Variants in ARHGAP27 observed in about 807,000 individuals in gnomAD.
The protein encoded by ARHGAP27 is rho GTPase-activating protein 27.
A neutral mutation model predicts 102.0 loss-of-function variants in ARHGAP27; 53 were observed. That is an observed-to-expected ratio of 0.52 (90% confidence interval 0.42 to 0.65). ARHGAP27 has a LOEUF of 0.65. Among genes scored for constraint, ARHGAP27 ranks in the 30% least tolerant of loss-of-function variants. The pLI is 0.00. For synonymous variants in ARHGAP27, 525 were observed against 542.8 expected, an observed-to-expected ratio of 0.97 and a Z score of 0.46; for missense variants, 1,117 against 1,256.2, an observed-to-expected ratio of 0.89 and a Z score of 1.68.
chr17:45,402,834 G>C lies in ARHGAP27; in HGVS notation c.1639-16C>G. 6.3e-7 allele frequency: 1 copy of C among 1,596,578 alleles called. No homozygotes were observed. Among genetic ancestry groups the C allele is most frequent in the Non-Finnish European group, 8.6e-7 (1 of 1,164,314 alleles). On this transcript the variant is annotated splice_polypyrimidine_tract_variant and intron_variant, in intron 11 of 19. Coordinates refer to ENST00000685559, the MANE Select transcript of ARHGAP27 (RefSeq NM_001282290.2). ...AAGGCTGCCTCTGTGGGAGAGGGAGGAAGGTCACAGGGAGCCCTCAGTTCA... is the reference window on the plus strand; with the variant it reads ...AAGGCTGCCTCTGTGGGAGAGGGAGCAAGGTCACAGGGAGCCCTCAGTTCA...
chr17:45,430,275 G>A lies in ARHGAP27; in HGVS notation c.5C>T (p.Ala2Val). 6.4e-7 allele frequency: 1 copy of A among 1,571,026 alleles called. No homozygotes were observed. ...GTACACGTCCCCCACCACGTCCGCC[G>A]CCATCGCAGCCGCGGCGTTTTCCTG... Reference protein sequence around the residue: MAADVVGDVYVL... With the variant: MVADVVGDVYVL... The change falls in exon 4 of 20, where the codon GCG (alanine) becomes GTG (valine). Residue 2 changes from alanine to valine, a missense_variant. Ala to Val is a moderately conservative substitution (Grantham distance 64, BLOSUM62 0). Transcript: ENST00000685559. The surrounding 1 kb of genome is among the most constrained non-coding windows in gnomAD (Gnocchi z 4.4).
Position 45,397,394 on chromosome 17 carries a change from G to A in ARHGAP27, c.1843-370C>T, listed in dbSNP as rs534488464. On this transcript the variant is annotated intron_variant, in intron 13 of 19. Coordinates refer to ENST00000685559, the MANE Select transcript of ARHGAP27 (RefSeq NM_001282290.2). ...TGAGCCTGCACCTCCAGCTGTGGCC[G>A]GAGCACTGCCAACAACTGCACCAAT... The A allele has an allele frequency of 5.1e-5, 42 of 830,170 alleles. No individual in the cohort carries two copies. In the South Asian group the frequency reaches 1.1e-3, roughly 22 times the overall value. The allele number at this position is 830,170 out of a possible 1,614,324, so 51.4% of individuals were successfully genotyped here.
At chr17:45,404,727 G>A (rs767110564) in intron 6 of ARHGAP27, 46 bp from the exon 7 acceptor site, 28 of 1,581,114 alleles carry the variant, frequency 1.8e-5, no homozygotes, top group Non-Finnish European at 2.2e-5. Flanking sequence ...GCTTATGAGA[G>A]GGGAGGAAAA....
rs1193167487 is a variant in ARHGAP27 at position 45,396,540 on chromosome 17, C to T, written c.2120G>A (p.Arg707Lys). Residue 707 changes from arginine (R) to lysine (K), a missense_variant, in exon 16 of 20, where the codon AGG becomes AAG. Arg to Lys is a conservative substitution (Grantham distance 26, BLOSUM62 2). This residue lies in a region of ARHGAP27 where 493 missense variants were observed against 505.5 expected (regional missense o/e 0.98). Transcript: ENST00000685559. ...CTGCACGAAGCGTGGCACCCGGCTC[C>T]TCTCGCGCTCACACAGCGCGGCCAG... ...CALAALCERE[R>K]SRVPRFVQQC... 1.9e-6 allele frequency: 3 copies of T among 1,591,748 alleles called. No individual in the cohort carries two copies. The highest frequency in any genetic ancestry group is 2.2e-5 in the South Asian group (2 of 89,728).
chr17:45,405,560 T>G (rs1255775872), intron 5 of ARHGAP27, 116 bp downstream of exon 5: 1 of 1,346,372 alleles, frequency 7.4e-7, no homozygotes, highest in Non-Finnish European at 9.9e-7. Flanking sequence ...CTCTCAGAGG[T>G]AGCCCCGCCC....
chr17:45,398,967 ATCT>A (rs1012462541), intron 12 of ARHGAP27, among the ~76,000 whole-genome samples: 2 of 152,160 alleles, frequency 1.3e-5, no homozygotes, highest in Non-Finnish European at 1.5e-5. Flanking sequence ...TGGGCAACAC[ATCT>A]TCTGTTAGCC....
chr17:45,410,324 G>C (rs1196070669), intron 4 of ARHGAP27: 3 of 1,486,726 alleles, frequency 2.0e-6, no homozygotes, highest in Middle Eastern at 1.7e-4. Flanking sequence ...AGAGCCCTGG[G>C]AAGGTTTTGG....
In ARHGAP27 at chr17:45,404,972, G is replaced by C; in HGVS notation, c.1200C>G (p.Val400=). 1.9e-6 allele frequency: 3 copies of C among 1,614,062 alleles called. No homozygotes were observed. In the South Asian group the frequency reaches 3.3e-5, roughly 18 times the overall value. The change falls in exon 6 of 20, where the codon GTC becomes GTG. Residue 400 remains valine, a synonymous_variant. Transcript: ENST00000685559. ...LTTPPGWSCH[V]SQDKQMLYTN... is the part of the protein sequence containing the mutation. ...TGTAGAGCATCTGCTTGTCCTGGCT[G>C]ACATGACAAGACCAGCCGGGGGGTG...
chr17:45,429,829 C>T lies in ARHGAP27; in HGVS notation c.451G>A (p.Val151Met), dbSNP rs764880570. The change falls in exon 4 of 20, where the codon GTG becomes ATG. Residue 151 changes from valine to methionine, a missense_variant. By Grantham distance (21) the Val-to-Met change is conservative. Around this residue, in one of 3 missense-constraint regions of ARHGAP27, gnomAD observed 610 missense variants for 716.4 expected, o/e 0.85. Transcript: ENST00000685559. Reference sequence around the variant, plus strand: ...TCGTTCAGGGACTGCGCGGGCCGCACGGGCGCCGCGGGCCGCAGGTACAGG... The same window carrying T: ...TCGTTCAGGGACTGCGCGGGCCGCATGGGCGCCGCGGGCCGCAGGTACAGG... ...ACLYLRPAAPVRPAQSLNDLA... is the reference protein window; with the variant it reads ...ACLYLRPAAPMRPAQSLNDLA... 62 of 1,405,422 alleles carry T rather than the reference C, an allele frequency of 4.4e-5. No individual in the cohort carries two copies. The Middle Eastern group carries it at 1.3e-3, about 29-fold the overall frequency. 87.1% of individuals were successfully genotyped at this position (1,405,422 alleles called of 1,614,324 possible).
chr17:45,422,755 C>G (rs964950266), intron 4 of ARHGAP27, among the ~76,000 whole-genome samples: 40 of 152,180 alleles, frequency 2.6e-4, no homozygotes, highest in African/African-American at 9.4e-4. Context: ...TAACATAACA[C>G]ATCTCTATCA....
In ARHGAP27 at chr17:45,429,750, C is replaced by G; in HGVS notation, c.530G>C (p.Ser177Thr). Residue 177 changes from serine to threonine, a missense_variant, in exon 4 of 20, where the codon AGC (serine) becomes ACC (threonine). By Grantham distance (58) the Ser-to-Thr change is moderately conservative. This residue lies in a region of ARHGAP27 where 610 missense variants were observed against 716.4 expected (regional missense o/e 0.85). Coordinates refer to ENST00000685559, the MANE Select transcript of ARHGAP27 (RefSeq NM_001282290.2). ...GCCCGCCACGCTGCAGGCCTTGAAG[C>G]TGCCGCTGCTTCCTAGGAGGCCGGC... is the stretch of plus-strand genomic sequence containing the variant. ...PPAGLLGSSGSFKACSVAGSW... is the reference protein window; with the variant it reads ...PPAGLLGSSGTFKACSVAGSW... 1.3e-6 allele frequency: 2 copies of G among 1,536,652 alleles called. No homozygotes were observed. Among genetic ancestry groups the G allele is most frequent in the South Asian group, 2.4e-5 (2 of 83,544 alleles).
intron 14 of ARHGAP27, 39 bp from the exon 15 acceptor site, chr17:45,396,829 G>T (rs993635880): frequency 1.5e-5 from 24 of 1,606,118 alleles, no homozygotes; most frequent in Middle Eastern, 3.3e-4. Context: ...AGGAGGCAGC[G>T]CCAGGGCAGG....
chr17:45,405,511 G>T (rs748446477), intron 5 of ARHGAP27, among the ~76,000 whole-genome samples, 165 bp downstream of exon 5: 13 of 151,448 alleles, frequency 8.6e-5, no homozygotes, highest in Non-Finnish European at 1.6e-4. Flanking sequence ...TTCACCCTGG[G>T]GTCCCTGGGT....
chr17:45,395,881 C>A (rs199688529), intron 18 of ARHGAP27, 32 bp from the exon 19 acceptor site: 2 of 1,583,862 alleles, frequency 1.3e-6, no homozygotes, highest in African/African-American at 2.7e-5. Context: ...GGGAGGGAGT[C>A]GGAACGGGAG....
intron 4 of ARHGAP27, among the ~76,000 whole-genome samples, chr17:45,416,467 CT>C (rs941995458): frequency 6.5e-4 from 95 of 146,182 alleles, no homozygotes; most frequent in East Asian, 1.2e-3. Flanking sequence ...CTCTCTCTCT[CT>C]TTTTTTTTTT....
chr17:45,419,449 A>G (rs1181401200), intron 4 of ARHGAP27, among the ~76,000 whole-genome samples: 1 of 149,886 alleles, frequency 6.7e-6, no homozygotes, highest in Non-Finnish European at 1.5e-5. Flanking sequence ...CTGTATGTAC[A>G]TATAAATATA....
chr17:45,420,950 C>CAAA (rs201730388), intron 4 of ARHGAP27, among the ~76,000 whole-genome samples: 6 of 68,762 alleles, frequency 8.7e-5, no homozygotes, highest in African/African-American at 1.8e-4. Flanking sequence ...GACTCCATCT[C>CAAA]AAAAAAAAAA....
chr17:45,412,962 CTTTTTTT>C (rs36233058), intron 4 of ARHGAP27, among the ~76,000 whole-genome samples: 4 of 41,116 alleles, frequency 9.7e-5, no homozygotes, highest in Non-Finnish European at 1.3e-4. Flanking sequence ...TCAGTATAAT[CTTTTTTT>C]TTTTTTTTTT....
chr17:45,419,163 T>C (rs956374523), intron 4 of ARHGAP27, among the ~76,000 whole-genome samples: 6 of 147,436 alleles, frequency 4.1e-5, no homozygotes, highest in African/African-American at 1.3e-4. Flanking sequence ...TCACAGGTCA[T>C]GGGGAAAGAC....
Sources: allele counts gnomAD v4.1 joint callset (sites outside exome capture counted in the v4.1 genomes callset), GRCh38; gene constraint gnomAD v4.1.1; regional missense constraint gnomAD v4.1.1; non-coding constraint Gnocchi (gnomAD v3.1); transcripts MANE v1.5; gene names NCBI Gene and HGNC (gene_info 2026-07-23, HGNC 2026-07-21).